Variants in CAPN13 observed in about 807,000 individuals in gnomAD.
CAPN13 encodes the protein calpain-13.
A neutral mutation model predicts 98.4 loss-of-function variants in CAPN13; 90 were observed. The observed-to-expected ratio is 0.92, with a 90% CI of 0.77 to 1.09. CAPN13 has a LOEUF of 1.09. Among genes scored for constraint, CAPN13 ranks in the 50% least tolerant of loss-of-function variants. CAPN13 has a pLI of 0.00. For synonymous variants in CAPN13, 330 were observed against 305.5 expected, an observed-to-expected ratio of 1.08 and a Z score of -0.84; for missense variants, 887 against 841.3, an observed-to-expected ratio of 1.05 and a Z score of -0.67.
Position 30,740,906 on chromosome 2 carries a change from C to T in CAPN13, c.1536+1002G>A, listed in dbSNP as rs183185627. 3.9e-3 allele frequency among the ~76,000 whole-genome samples: 589 copies of T among 152,322 alleles called. 2 individuals are homozygous for T. Among genetic ancestry groups the T allele is most frequent in the Non-Finnish European group, 6.1e-3 (415 of 68,026 alleles). On this transcript the variant is annotated intron_variant, in intron 15 of 22. Coordinates refer to ENST00000295055, the MANE Select transcript of CAPN13 (RefSeq NM_144575.3). Reference sequence around the variant, plus strand: ...TAACCTTCATTCACTCAGGCATCAGCTCTGGGGGAGGTGATCTGTCTTAAT... The same window carrying T: ...TAACCTTCATTCACTCAGGCATCAGTTCTGGGGGAGGTGATCTGTCTTAAT...
In CAPN13 at chr2:30,751,235, A is replaced by G. The variant is rs780328724; in HGVS notation, c.1104T>C (p.Asp368=). ...CTTGCACAGAGAAGTTGAATTGAGCATCATTCCGAGGTCCTCCTGCATCAG... is the reference window on the plus strand; with the variant it reads ...CTTGCACAGAGAAGTTGAATTGAGCGTCATTCCGAGGTCCTCCTGCATCAG... The part of the protein sequence containing the change: ...LGNTAGGPRN[D]AQFNFSVQEP... The change falls in exon 11 of 23, where the codon GAT becomes GAC. Residue 368 remains aspartate, a synonymous_variant. Transcript: ENST00000295055. 2.8e-5 allele frequency: 45 copies of G among 1,613,798 alleles called. No individual in the cohort carries two copies. The highest frequency in any genetic ancestry group is 3.8e-5 in the Non-Finnish European group (45 of 1,179,836).
rs1279053995 is a variant in CAPN13 at position 30,787,352 on chromosome 2, C to T, written c.-27G>A. 8 of 1,587,244 alleles carry T rather than the reference C, an allele frequency of 5.0e-6. No individual in the cohort carries two copies. Among genetic ancestry groups the T allele is most frequent in the Non-Finnish European group, 6.0e-6 (7 of 1,167,618 alleles). On this transcript the variant is annotated 5_prime_UTR_variant, in exon 2 of 23. Coordinates refer to ENST00000295055, the MANE Select transcript of CAPN13 (RefSeq NM_144575.3). ...ACTCTCCTTAGAAGACTTCCGAGGT[C>T]CTTTCCTGTTGGTGAGAAAAAGGGA...
intron 2 of CAPN13, among the ~76,000 whole-genome samples, chr2:30,782,145 C>G (rs116104955): frequency 1.3e-5 from 2 of 152,130 alleles, no homozygotes; most frequent in African/African-American, 4.8e-5. Context: ...GCTGCTCTAC[C>G]CTAATCGTCT....
chr2:30,757,509 T>C (rs1298576285), intron 8 of CAPN13, among the ~76,000 whole-genome samples: 2 of 152,224 alleles, frequency 1.3e-5, no homozygotes, highest in East Asian at 3.8e-4. Flanking sequence ...AGGGCAAGAC[T>C]GGTGAGCTGA....
chr2:30,791,864 A>C (rs552790866), intron 1 of CAPN13, among the ~76,000 whole-genome samples: 30 of 152,334 alleles, frequency 2.0e-4, no homozygotes, highest in African/African-American at 5.8e-4. Flanking sequence ...TCTGACTCTA[A>C]TCTTGTCCTA....
chr2:30,787,222 A>G lies in CAPN13; in HGVS notation c.104T>C (p.Phe35Ser), dbSNP rs1558339968. The G allele has an allele frequency of 6.2e-7, 1 of 1,610,766 alleles. No homozygotes were observed. The highest frequency in any genetic ancestry group is 1.7e-5 in the Admixed American group (1 of 59,620). The change falls in exon 2 of 23, where the codon TTT becomes TCT. Residue 35 changes from phenylalanine (F) to serine (S), a missense_variant. By Grantham distance (155) the Phe-to-Ser change is radical (BLOSUM62 -2). Transcript: ENST00000295055. ...TGCTGCAGGGAATGTCTCATCCTTA[A>G]ACGTCCGGCCCATGCTCAGGCAGTG... The part of the protein sequence containing the change: ...RDHCLSMGRT[F>S]KDETFPAADS...
chr2:30,734,327 G>A (rs929581926), intron 19 of CAPN13, 122 bp downstream of exon 19: 2 of 732,392 alleles, frequency 2.7e-6, no homozygotes, highest in South Asian at 1.7e-5. Context: ...GAGGACACGA[G>A]AGCTGCAGCG....
intron 1 of CAPN13, among the ~76,000 whole-genome samples, chr2:30,798,319 A>C (rs1674995155): frequency 6.6e-6 from 1 of 152,208 alleles, no homozygotes; most frequent in Non-Finnish European, 1.5e-5. Flanking sequence ...TCTTGGGTGG[A>C]AATGGTTGAG....
chr2:30,776,682 C>T (rs778977399), intron 3 of CAPN13, among the ~76,000 whole-genome samples: 7 of 152,164 alleles, frequency 4.6e-5, no homozygotes, highest in Non-Finnish European at 1.0e-4. Context: ...TGCATGGCCT[C>T]GAGTTTCTCC....
At position 30,787,015 on chromosome 2, in the gene CAPN13, A is replaced by G. The variant is rs140437784; in HGVS notation, c.198+113T>C. 3,843 of 773,012 alleles carry G rather than the reference A, an allele frequency of 5.0e-3. 37 individuals carry two copies. The highest frequency in any genetic ancestry group is 5.6e-3 in the Non-Finnish European group (2,687 of 481,218). 47.9% of individuals were successfully genotyped at this position (773,012 alleles called of 1,614,324 possible). ...AACACTGTAGCAGAGATACCTGGTG[A>G]ATTTCATTCTCCTTCCAGTTTGGTT... On this transcript the variant is annotated intron_variant, in intron 2 of 22. Transcript: ENST00000295055.
chr2:30,759,650 G>C (rs751831921), intron 7 of CAPN13, among the ~76,000 whole-genome samples: 1 of 152,190 alleles, frequency 6.6e-6, no homozygotes, highest in Non-Finnish European at 1.5e-5. Context: ...GCTGATGTGC[G>C]CTAAGGAAAC....
rs537574325 is a variant in CAPN13 at position 30,799,844 on chromosome 2, T to G, written c.-33+7458A>C. Among the ~76,000 whole-genome samples the G allele has an allele frequency of 4.9e-3, 742 of 152,108 alleles. 8 individuals carry two copies. Among genetic ancestry groups the G allele is most frequent in the African/African-American group, 0.017 (711 of 41,496 alleles). On this transcript the variant is annotated intron_variant, in intron 1 of 22. Transcript: ENST00000295055. ...ATCCCAGCACTTTGGGAGGCCAAGG[T>G]GGGCGGATCACGAGGTCAGGAGATC...
intron 1 of CAPN13, among the ~76,000 whole-genome samples, 178 bp from the exon 2 acceptor site, chr2:30,787,535 C>T (rs568754440): frequency 1.3e-5 from 2 of 152,324 alleles, no homozygotes; most frequent in African/African-American, 4.8e-5. Context: ...ATCCTCACTC[C>T]CAGTTAACAT....
intron 7 of CAPN13, among the ~76,000 whole-genome samples, chr2:30,761,676 T>C (rs749213564): frequency 3.9e-5 from 6 of 152,236 alleles, no homozygotes; most frequent in Non-Finnish European, 7.3e-5. Context: ...TATTACTAAT[T>C]GATAACAGCT....
intron 19 of CAPN13, among the ~76,000 whole-genome samples, chr2:30,732,786 C>T (rs1163110888): frequency 6.6e-6 from 1 of 152,136 alleles, no homozygotes; most frequent in Non-Finnish European, 1.5e-5. Context: ...TGCTGAAGAC[C>T]CTGCTCTGGA....
At chr2:30,747,849 A>G (rs1671991061) in intron 11 of CAPN13, among the ~76,000 whole-genome samples, 1 of 152,224 alleles carries the variant, frequency 6.6e-6, no homozygotes, top group Non-Finnish European at 1.5e-5. Flanking sequence ...ATCTTGCAAG[A>G]TCTGCTGGGA....
intron 22 of CAPN13, among the ~76,000 whole-genome samples, chr2:30,723,476 G>A (rs1670759258): frequency 6.6e-6 from 1 of 152,082 alleles, no homozygotes; most frequent in African/African-American, 2.4e-5. Context: ...CCCCCCACCT[G>A]TCCTGCCCCA....
At chr2:30,742,026 C>A in intron 14 of CAPN13, 62 bp from the exon 15 acceptor site, 1 of 1,475,360 alleles carries the variant, frequency 6.8e-7, no homozygotes, top group South Asian at 1.1e-5. Flanking sequence ...CCATCTGGTA[C>A]AGCAAGGGTG....
intron 7 of CAPN13, 57 bp downstream of exon 7, chr2:30,763,025 C>A (rs553585469): frequency 7.0e-7 from 1 of 1,424,570 alleles, no homozygotes; most frequent in South Asian, 1.3e-5. Flanking sequence ...TTGAGAGGAA[C>A]AAGAACACTG....
Sources: allele counts gnomAD v4.1 joint callset (sites outside exome capture counted in the v4.1 genomes callset), GRCh38; gene constraint gnomAD v4.1.1; transcripts MANE v1.5; gene names NCBI Gene and HGNC (gene_info 2026-07-23, HGNC 2026-07-21).